CSMD1: variants seen among roughly 807,000 people sequenced by gnomAD.
The protein encoded by CSMD1 is CUB and sushi domain-containing protein 1.
CSMD1 carries 213 observed loss-of-function variants against 417.5 expected under a neutral mutation model. The observed-to-expected ratio is 0.51, with a 90% CI of 0.46 to 0.57. The LOEUF is 0.57. Among genes scored for constraint, CSMD1 ranks in the 20% least tolerant of loss-of-function variants. The pLI is 0.00. For synonymous variants in CSMD1, 2,862 were observed against 1,736.8 expected, an observed-to-expected ratio of 1.65 and a Z score of -16.11; for missense variants, 6,923 against 4,529.7, an observed-to-expected ratio of 1.53 and a Z score of -15.17.
chr8:3,392,098 G>A (rs923287947), intron 17 of CSMD1, among the ~76,000 whole-genome samples: 4 of 128,644 alleles, frequency 3.1e-5, no homozygotes, highest in Non-Finnish European at 6.4e-5. Context: ...ACACACCAGG[G>A]CCTGTTGTGC....
At chr8:4,185,254 C>T (rs1475671813) in intron 3 of CSMD1, among the ~76,000 whole-genome samples, 1 of 151,996 alleles carries the variant, frequency 6.6e-6, no homozygotes, top group Non-Finnish European at 1.5e-5. Flanking sequence ...CCTGGCCCTA[C>T]CCCTTGCAAT....
chr8:3,399,260 T>C lies in CSMD1; in HGVS notation c.2405+131A>G, dbSNP rs1031691284. ...ACAAAACTTACAAGTAAGTGCCTGTTTCTGGTAAAGTGTGCTCCTATGCGG... is the reference window on the plus strand; with the variant it reads ...ACAAAACTTACAAGTAAGTGCCTGTCTCTGGTAAAGTGTGCTCCTATGCGG... On this transcript the variant is annotated intron_variant, in intron 16 of 69. Transcript: ENST00000635120. 10 of 744,240 alleles carry C rather than the reference T, an allele frequency of 1.3e-5. No homozygotes were observed. The African/African-American group carries it at 1.8e-4, about 13-fold the overall frequency. The allele number at this position is 744,240 out of a possible 1,614,324, so 46.1% of individuals were successfully genotyped here. A position where few individuals can be genotyped will look rare whatever the true frequency, so the allele number is the denominator to read the frequency against.
intron 3 of CSMD1, among the ~76,000 whole-genome samples, chr8:4,249,923 T>C (rs1449482383): frequency 2.1e-4 from 32 of 152,184 alleles, no homozygotes; most frequent in Admixed American, 2.0e-3. Flanking sequence ...TCCTGGGAAG[T>C]GTTTAGGTTA....
chr8:4,021,987 G>T (rs186302224), intron 4 of CSMD1, among the ~76,000 whole-genome samples: 2 of 151,762 alleles, frequency 1.3e-5, no homozygotes, highest in African/African-American at 4.8e-5. Flanking sequence ...GGAAAGGATA[G>T]TTAGGTCTGT....
At chr8:3,502,072 A>C (rs1439418914) in intron 10 of CSMD1, among the ~76,000 whole-genome samples, 1 of 152,176 alleles carries the variant, frequency 6.6e-6, no homozygotes, top group African/African-American at 2.4e-5. Context: ...TATATCTTGG[A>C]ATTTAACACC....
intron 5 of CSMD1, among the ~76,000 whole-genome samples, chr8:3,979,222 A>T (rs1392053755): frequency 6.6e-6 from 1 of 152,166 alleles, no homozygotes; most frequent in Admixed American, 6.5e-5. Context: ...AATGTATAGG[A>T]AGTTTTAGGC....
chr8:4,135,087 A>C (rs1427188065), intron 3 of CSMD1, among the ~76,000 whole-genome samples: 2 of 152,126 alleles, frequency 1.3e-5, no homozygotes, highest in Non-Finnish European at 2.9e-5. Context: ...ATGAAAAAAA[A>C]TTCTTCCATA....
At chr8:4,039,747 T>C (rs888367049) in intron 3 of CSMD1, among the ~76,000 whole-genome samples, 3 of 152,048 alleles carry the variant, frequency 2.0e-5, no homozygotes, top group Non-Finnish European at 4.4e-5. Flanking sequence ...AAAGATAAAT[T>C]GATGTGGGGG....
At chr8:4,360,301 T>G (rs565509716) in intron 3 of CSMD1, among the ~76,000 whole-genome samples, 3 of 152,306 alleles carry the variant, frequency 2.0e-5, no homozygotes, top group East Asian at 1.9e-4. Flanking sequence ...GGTCCCCAAA[T>G]GCATCCAGCT....
intron 1 of CSMD1, among the ~76,000 whole-genome samples, chr8:4,896,955 C>G (rs1160336864): frequency 6.6e-6 from 1 of 152,082 alleles, no homozygotes; most frequent in Non-Finnish European, 1.5e-5. Flanking sequence ...CAAGGAAGGG[C>G]TCTCCATTTA....
At chr8:3,329,737 T>G (rs1806773180) in intron 23 of CSMD1, among the ~76,000 whole-genome samples, 1 of 152,130 alleles carries the variant, frequency 6.6e-6, no homozygotes, top group Non-Finnish European at 1.5e-5. Flanking sequence ...CTGAAGAGTG[T>G]GAGCAGAGGC....
intron 1 of CSMD1, among the ~76,000 whole-genome samples, chr8:4,828,830 T>C (rs922792662): frequency 2.0e-5 from 3 of 152,136 alleles, no homozygotes; most frequent in African/African-American, 4.8e-5. Context: ...GAACTGCAGA[T>C]TGTAGCTCAA....
At chr8:4,153,156 G>A (rs1034052495) in intron 3 of CSMD1, among the ~76,000 whole-genome samples, 10 of 152,114 alleles carry the variant, frequency 6.6e-5, no homozygotes, top group African/African-American at 2.2e-4. Flanking sequence ...TGACTGTGGT[G>A]ACCATGCCAG....
In CSMD1 at chr8:3,535,533, G is replaced by C. The variant is rs536182676; in HGVS notation, c.1344+39412C>G. The stretch of plus-strand genomic sequence containing the variant: ...ATAGAGTGTGACCTGTAAGACCACG[G>C]AGACTTGGAAGGGGGCTGGTGGGTA... On this transcript the variant is annotated intron_variant, in intron 10 of 69. Coordinates refer to ENST00000635120, the MANE Select transcript of CSMD1 (RefSeq NM_033225.6). Among the ~76,000 whole-genome samples the C allele has an allele frequency of 1.2e-4, 19 of 152,270 alleles. No individual in the cohort carries two copies. The South Asian group carries it at 3.7e-3, about 30-fold the overall frequency.
chr8:4,392,515 G>C (rs181391810), intron 3 of CSMD1, among the ~76,000 whole-genome samples: 2 of 152,252 alleles, frequency 1.3e-5, no homozygotes, highest in African/African-American at 4.8e-5. Context: ...ATCACGGTTT[G>C]TGTGTGGAGA....
intron 3 of CSMD1, among the ~76,000 whole-genome samples, chr8:4,126,671 G>C (rs975596827): frequency 6.6e-6 from 1 of 152,256 alleles, no homozygotes; most frequent in African/African-American, 2.4e-5. Context: ...ATTAGATTCT[G>C]AGGGTTTATT....
intron 1 of CSMD1, among the ~76,000 whole-genome samples, chr8:4,928,877 C>T (rs1418144633): frequency 6.6e-6 from 1 of 152,044 alleles, no homozygotes; most frequent in Non-Finnish European, 1.5e-5. Flanking sequence ...CGAGACCAGC[C>T]TGCCAACATG....
chr8:4,145,131 A>G (rs10503236), intron 3 of CSMD1, among the ~76,000 whole-genome samples: 19,957 of 151,020 alleles, frequency 0.13, 2,796 homozygotes, highest in African/African-American at 0.28. Context: ...CGCAGATATA[A>G]TAGTTTAGAC....
intron 7 of CSMD1, among the ~76,000 whole-genome samples, chr8:3,648,953 A>G (rs1797713703): frequency 6.6e-6 from 1 of 152,112 alleles, no homozygotes. Context: ...AGAACCCGTA[A>G]TGTACCCAGC....
Sources: gnomAD v4.1 joint callset for allele counts (sites outside exome capture counted in the v4.1 genomes callset) on GRCh38, gnomAD v4.1.1 for gene constraint, MANE v1.5 for transcripts, NCBI Gene and HGNC (gene_info 2026-07-23, HGNC 2026-07-21) for gene names.